Variants in RPS6KA5 observed in about 807,000 individuals in gnomAD.
RPS6KA5 encodes the protein ribosomal protein S6 kinase A5.
A neutral mutation model predicts 85.5 loss-of-function variants in RPS6KA5; 27 were observed. That is an observed-to-expected ratio of 0.32 (90% CI 0.23 to 0.44). The LOEUF (loss-of-function observed/expected upper bound fraction) is 0.44, where lower values mean the gene tolerates loss of function less well. RPS6KA5 is among the 20% of genes least tolerant of loss of function. RPS6KA5 has a pLI of 1.00. For missense variants in RPS6KA5, 811 were observed against 980.9 expected (o/e 0.83, Z 2.31); for synonymous variants, 334 against 348.2 (o/e 0.96, Z 0.46).
At chr14:90,878,739 A>G (rs2033638582) in intron 14 of RPS6KA5, among the ~76,000 whole-genome samples, 1 of 152,204 alleles carries the variant, frequency 6.6e-6, no homozygotes, top group Non-Finnish European at 1.5e-5. Flanking sequence ...TTGCACCACT[A>G]AGAAGCGGGA....
At chr14:90,946,296 C>T (rs542275716) in intron 4 of RPS6KA5, among the ~76,000 whole-genome samples, 21 of 93,288 alleles carry the variant, frequency 2.3e-4, no homozygotes, top group Non-Finnish European at 3.9e-4. Flanking sequence ...TGCAGCCCTG[C>T]CCCTCAACCC....
chr14:91,024,751 C>G (rs1414454112), intron 1 of RPS6KA5, among the ~76,000 whole-genome samples: 1 of 152,200 alleles, frequency 6.6e-6, no homozygotes, highest in Non-Finnish European at 1.5e-5. Context: ...CAGGTGTAAA[C>G]TAACAAGTCC....
intron 9 of RPS6KA5, among the ~76,000 whole-genome samples, chr14:90,902,173 C>T (rs935763046): frequency 6.7e-6 from 1 of 149,392 alleles, no homozygotes; most frequent in Middle Eastern, 3.4e-3. Context: ...CAGAGTGAGA[C>T]CTTGTTTCTT....
At chr14:91,012,472 T>C (rs1358216973) in intron 1 of RPS6KA5, among the ~76,000 whole-genome samples, 1 of 152,240 alleles carries the variant, frequency 6.6e-6, no homozygotes, top group African/African-American at 2.4e-5. Flanking sequence ...TCAATTCCAG[T>C]CTTTTCTTGT....
Position 90,873,811 on chromosome 14 carries a change from T to C in RPS6KA5, c.1997-16A>G. On this transcript the variant is annotated splice_polypyrimidine_tract_variant and intron_variant, in intron 15 of 16. Coordinates refer to ENST00000614987, the MANE Select transcript of RPS6KA5 (RefSeq NM_004755.4). ...GTGAGAAGTCCTTTGGGAATAGATA[T>C]TTTTATTTTATGATTTGTCATTTTA... 1 of 1,599,914 alleles carries C rather than the reference T, an allele frequency of 6.3e-7. No individual in the cohort carries two copies. Among genetic ancestry groups the C allele is most frequent in the Non-Finnish European group, 8.5e-7 (1 of 1,173,432 alleles).
In RPS6KA5 at chr14:90,871,960, G is replaced by C. The variant is rs1163625666; in HGVS notation, c.*114C>G. The C allele has an allele frequency of 7.4e-7, 1 of 1,357,666 alleles. No homozygotes were observed. The highest frequency in any genetic ancestry group is 1.0e-6 in the Non-Finnish European group (1 of 995,292). The allele number at this position is 1,357,666 out of a possible 1,614,324, so 84.1% of individuals were successfully genotyped here. On this transcript the variant is annotated 3_prime_UTR_variant, in exon 17 of 17. Coordinates refer to ENST00000614987, the MANE Select transcript of RPS6KA5 (RefSeq NM_004755.4). ...AGGTTTTCCTGAAAAAAATCATTAG[G>C]AGGCAGATTCCAATGAGACCAACGG...
chr14:91,031,566 T>G (rs1214812046), intron 1 of RPS6KA5, among the ~76,000 whole-genome samples: 3 of 152,094 alleles, frequency 2.0e-5, no homozygotes, highest in Non-Finnish European at 1.5e-5. Context: ...AAAAAAGAAC[T>G]CATGGGTTAT....
intron 7 of RPS6KA5, among the ~76,000 whole-genome samples, chr14:90,913,255 C>A (rs148582252): frequency 2.0e-5 from 3 of 152,170 alleles, no homozygotes; most frequent in African/African-American, 7.2e-5. Flanking sequence ...GTACACTAAC[C>A]AGGTCTCCTA....
chr14:90,892,061 C>A (rs1399686937), intron 13 of RPS6KA5, among the ~76,000 whole-genome samples: 1 of 150,252 alleles, frequency 6.7e-6, no homozygotes, highest in African/African-American at 2.5e-5. Context: ...TGCAGTGGTG[C>A]GATCTTGGCT....
intron 5 of RPS6KA5, among the ~76,000 whole-genome samples, chr14:90,928,992 A>G (rs1187178603): frequency 6.6e-6 from 1 of 152,102 alleles, no homozygotes; most frequent in East Asian, 1.9e-4. Flanking sequence ...CATATCATGG[A>G]AAGTTAAGTT....
intron 11 of RPS6KA5, 123 bp from the exon 12 acceptor site, chr14:90,899,545 T>C (rs1174312192): frequency 4.9e-6 from 3 of 614,134 alleles, no homozygotes; most frequent in Non-Finnish European, 8.6e-6. Context: ...CAGTATACTG[T>C]AATGAGGTTT....
rs1463041165 is a variant in RPS6KA5 at position 90,919,987 on chromosome 14, T to A, written c.806+219A>T. Among the ~76,000 whole-genome samples, 4 of 152,180 alleles carry A rather than the reference T, an allele frequency of 2.6e-5. No homozygotes were observed. The East Asian group carries it at 7.7e-4, about 29-fold the overall frequency. On this transcript the variant is annotated intron_variant, in intron 7 of 16. Coordinates refer to ENST00000614987, the MANE Select transcript of RPS6KA5 (RefSeq NM_004755.4). ...ACCAAAATCATGACACTATAGATCA[T>A]AAGTTAACTTCAGATTCAACTGGGC... is the stretch of plus-strand genomic sequence containing the variant.
rs2032641969 is a variant in RPS6KA5 at position 90,863,170 on chromosome 14, G to C, written c.*8904C>G. Reference sequence around the variant, plus strand: ...ATACAAAAATTAGCTGAGGGTGGTGGTGCATGCCTGTGGTCCCAGCCACCC... The same window carrying C: ...ATACAAAAATTAGCTGAGGGTGGTGCTGCATGCCTGTGGTCCCAGCCACCC... On this transcript the variant is annotated 3_prime_UTR_variant, in exon 17 of 17. Coordinates refer to ENST00000614987, the MANE Select transcript of RPS6KA5 (RefSeq NM_004755.4). The C allele has an allele frequency of 6.6e-6, 1 of 151,528 alleles. No individual in the cohort carries two copies. Among genetic ancestry groups the C allele is most frequent in the Non-Finnish European group, 1.5e-5 (1 of 67,856 alleles). The allele number at this position is 151,528 out of a possible 1,614,324, so 9.4% of individuals were successfully genotyped here.
intron 6 of RPS6KA5, among the ~76,000 whole-genome samples, chr14:90,921,308 GC>G (rs573220211): frequency 8.1e-4 from 123 of 152,230 alleles, no homozygotes; most frequent in African/African-American, 2.8e-3. Context: ...TTTTCCTCAT[GC>G]CAGGCACTAT....
chr14:90,940,448 C>A (rs2037509227), intron 5 of RPS6KA5, among the ~76,000 whole-genome samples: 2 of 152,190 alleles, frequency 1.3e-5, no homozygotes, highest in Non-Finnish European at 2.9e-5. Context: ...GATTCAGTCA[C>A]ACAGCATTTC....
intron 7 of RPS6KA5, among the ~76,000 whole-genome samples, chr14:90,918,576 A>G (rs1220673621): frequency 6.6e-6 from 1 of 152,226 alleles, no homozygotes; most frequent in Non-Finnish European, 1.5e-5. Context: ...TGTCATATCT[A>G]AGAAATCTTT....
intron 1 of RPS6KA5, among the ~76,000 whole-genome samples, chr14:91,046,654 T>C (rs771641678): frequency 6.6e-6 from 1 of 152,244 alleles, no homozygotes; most frequent in Non-Finnish European, 1.5e-5. Flanking sequence ...CAGGTAATGA[T>C]GGAGAATTCT....
At chr14:90,962,046 C>A (rs1044833661) in intron 3 of RPS6KA5, among the ~76,000 whole-genome samples, 2 of 152,140 alleles carry the variant, frequency 1.3e-5, no homozygotes, top group African/African-American at 4.8e-5. Flanking sequence ...AAGGACAATG[C>A]ATATGATCAA....
chr14:90,956,942 C>T (rs2038545128), intron 3 of RPS6KA5, among the ~76,000 whole-genome samples: 1 of 147,136 alleles, frequency 6.8e-6, no homozygotes, highest in Non-Finnish European at 1.5e-5. Flanking sequence ...GTTATATTAG[C>T]CTTCCTACTT....
Sources: allele counts gnomAD v4.1 joint callset (sites outside exome capture counted in the v4.1 genomes callset), GRCh38; gene constraint gnomAD v4.1.1; transcripts MANE v1.5; gene names NCBI Gene and HGNC (gene_info 2026-07-23, HGNC 2026-07-21).